Variants in C4orf50 observed in about 807,000 individuals in gnomAD.
The protein encoded by C4orf50 is uncharacterized protein C4orf50.
A neutral mutation model predicts 77.2 loss-of-function variants in C4orf50; 80 were observed. That is an observed-to-expected ratio of 1.04 (90% CI 0.87 to 1.25). C4orf50 has a LOEUF of 1.25. Among genes scored for constraint, C4orf50 ranks in the 50% most tolerant of loss-of-function variants. The probability of loss-of-function intolerance (pLI) is 0.00; values close to 1 mark genes in which losing one functional copy is unlikely to be tolerated. For synonymous variants in C4orf50, 532 were observed against 465.3 expected (o/e 1.14, Z -1.84); for missense variants, 1,257 against 1,152.9 (o/e 1.09, Z -1.31).
intron 28 of C4orf50, among the ~76,000 whole-genome samples, chr4:5,980,698 T>C (rs2108781452): frequency 6.6e-6 from 1 of 152,144 alleles, no homozygotes; most frequent in East Asian, 1.9e-4. Context: ...ATATGTGCAG[T>C]GGGGTGGCAT....
intron 26 of C4orf50, among the ~76,000 whole-genome samples, chr4:5,993,985 G>T (rs562804498): frequency 6.6e-6 from 1 of 152,174 alleles, no homozygotes; most frequent in Non-Finnish European, 1.5e-5. Context: ...CCTGGGAAGT[G>T]GGGGGACAGG....
intron 25 of C4orf50, among the ~76,000 whole-genome samples, chr4:6,005,648 A>G (rs113799132): frequency 6.6e-6 from 1 of 152,172 alleles, no homozygotes; most frequent in African/African-American, 2.4e-5. Flanking sequence ...CAGCTTCTCT[A>G]TCTGTTCAGT....
chr4:5,926,067 G>A (rs1467071078), intron 7 of C4orf50, among the ~76,000 whole-genome samples: 1 of 152,232 alleles, frequency 6.6e-6, no homozygotes, highest in African/African-American at 2.4e-5. Context: ...GGAAGGAGGG[G>A]CTCCAGGGAG....
chr4:5,965,204 A>G, intron 32 of C4orf50, 59 bp from the exon 11 acceptor site: 1 of 1,562,760 alleles, frequency 6.4e-7, no homozygotes, highest in Non-Finnish European at 8.7e-7. Flanking sequence ...AAAGTCTACA[A>G]GTGTCTGAGC....
At position 6,011,215 on chromosome 4, in the gene C4orf50, A is replaced by C. The variant is rs1339687591; in HGVS notation, c.426+615T>G. On this transcript the variant is annotated intron_variant, in intron 24 of 33. Transcript: ENST00000531445. The surrounding 1 kb of genome is among the most constrained non-coding windows in gnomAD (Gnocchi z 4.2). Reference sequence around the variant, plus strand: ...TTAAGTCCCCTAAAGCTTGTTCCCCATTGTATTCAGAATTGGGCCATGCAG... The same window carrying C: ...TTAAGTCCCCTAAAGCTTGTTCCCCCTTGTATTCAGAATTGGGCCATGCAG... 6.6e-6 allele frequency among the ~76,000 whole-genome samples: 1 copy of C among 152,050 alleles called. No individual in the cohort carries two copies. Among genetic ancestry groups the C allele is most frequent in the African/African-American group, 2.4e-5 (1 of 41,400 alleles).
rs1373219622 is a variant in C4orf50 at position 6,000,612 on chromosome 4, C to T, written c.964-6136G>A. 6.6e-6 allele frequency among the ~76,000 whole-genome samples: 1 copy of T among 152,132 alleles called. No individual in the cohort carries two copies. Among genetic ancestry groups the T allele is most frequent in the East Asian group, 1.9e-4 (1 of 5,170 alleles). On this transcript the variant is annotated intron_variant, in intron 25 of 33. Coordinates refer to ENST00000531445, the Ensembl canonical transcript of C4orf50. The surrounding 1 kb of genome is among the most constrained non-coding windows in gnomAD (Gnocchi z 6.0). Reference sequence around the variant, plus strand: ...CCCACGGACTCCACAGGGCTCATTTCCTTGCCTTTCCTCTGCCCCTACCTC... The same window carrying T: ...CCCACGGACTCCACAGGGCTCATTTTCTTGCCTTTCCTCTGCCCCTACCTC...
At chr4:5,951,821 AC>A (rs1264569682) in intron 7 of C4orf50, among the ~76,000 whole-genome samples, 1 of 151,768 alleles carries the variant, frequency 6.6e-6, no homozygotes, top group African/African-American at 2.4e-5. Flanking sequence ...CTCTTCCCCA[AC>A]CCCAGCAAAA....
rs570726900 is a variant in C4orf50, at chr4:5,931,799, C to T, written c.*2474+25102G>A. ...CATCTTCCCCGTGGATCCAGGCTCTCCTTTAGGCTTTGACACAGAAATCAC... is the reference window on the plus strand; with the variant it reads ...CATCTTCCCCGTGGATCCAGGCTCTTCTTTAGGCTTTGACACAGAAATCAC... On this transcript the variant is annotated intron_variant, in intron 7 of 7. Coordinates refer to the C4orf50 transcript ENST00000324058. 2.0e-5 allele frequency among the ~76,000 whole-genome samples: 3 copies of T among 152,228 alleles called. No homozygotes were observed. In the East Asian group the frequency reaches 5.8e-4, roughly 30 times the overall value.
chr4:5,967,215 T>A (rs1451323523), intron 32 of C4orf50, among the ~76,000 whole-genome samples, 199 bp downstream of exon 10: 1 of 152,178 alleles, frequency 6.6e-6, no homozygotes, highest in Non-Finnish European at 1.5e-5. Context: ...AACGTTTCTG[T>A]TTTTCCAGTG....
chr4:5,913,715 C>A (rs1017882466), intron 7 of C4orf50, among the ~76,000 whole-genome samples: 1 of 152,134 alleles, frequency 6.6e-6, no homozygotes, highest in Non-Finnish European at 1.5e-5. Context: ...GGCAGTAAAT[C>A]GTCCACAGAC....
rs533714392 is a variant in C4orf50 at position 5,948,059 on chromosome 4, C to T, written c.*2474+8842G>A. 5.3e-5 allele frequency among the ~76,000 whole-genome samples: 8 copies of T among 152,268 alleles called. 1 individual carries two copies. The South Asian group carries it at 1.7e-3, about 32-fold the overall frequency. ...TGGGATGAATCCACCAATGAACCTG[C>T]TTTTCTCTCCCACAGGTCTGTGACA... On this transcript the variant is annotated intron_variant, in intron 7 of 7. Coordinates refer to the C4orf50 transcript ENST00000324058.
Position 6,011,804 on chromosome 4 carries a change from G to T in C4orf50, c.426+26C>A. 1 of 399,098 alleles carries T rather than the reference G, an allele frequency of 2.5e-6. No individual in the cohort carries two copies. The highest frequency in any genetic ancestry group is 4.4e-6 in the Non-Finnish European group (1 of 226,130). 24.7% of individuals were successfully genotyped at this position (399,098 alleles called of 1,614,324 possible). ...ACGGCTCTGCTGGACAGGAAACAGG[G>T]CCTGGAAAGGAGAAGGAAACGGTAC... On this transcript the variant is annotated intron_variant, in intron 24 of 33. Transcript: ENST00000531445. This position sits in a 1 kb window ranked among gnomAD's most constrained non-coding sequence, Gnocchi z 4.2.
chr4:5,940,469 A>G (rs1395857271), intron 7 of C4orf50, among the ~76,000 whole-genome samples: 1 of 152,202 alleles, frequency 6.6e-6, no homozygotes, highest in Non-Finnish European at 1.5e-5. Context: ...GCCTGAATAT[A>G]GTATTCCTGG....
intron 7 of C4orf50, among the ~76,000 whole-genome samples, chr4:5,909,748 T>C (rs1425341932): frequency 1.3e-5 from 2 of 152,248 alleles, no homozygotes; most frequent in African/African-American, 4.8e-5. Flanking sequence ...CCTAGCACCA[T>C]TTATTGAAGG....
chr4:5,999,230 G>C (rs1035189459), intron 25 of C4orf50, among the ~76,000 whole-genome samples: 1 of 152,128 alleles, frequency 6.6e-6, no homozygotes, highest in African/African-American at 2.4e-5. Context: ...CATAGCCAAG[G>C]GGTCACTGCA....
Position 5,959,945 on chromosome 4 carries a change from A to C in C4orf50, c.4276-319T>G, listed in dbSNP as rs370574130. Among the ~76,000 whole-genome samples the C allele has an allele frequency of 4.6e-5, 7 of 152,162 alleles. No individual in the cohort carries two copies. The East Asian group carries it at 1.2e-3, about 25-fold the overall frequency. On this transcript the variant is annotated intron_variant, in intron 33 of 33. Transcript: ENST00000531445. ...TCCTGTAGAGTGGATATCCTCTATA[A>C]ATTTTCTCCTTCCCGGTGATAAGAG...
rs1349200873 is a variant in C4orf50, at chr4:6,003,860, G to GTGATGATGGTGATGGTGATGATGGTGA, written c.963+4135_963+4136insTCACCATCATCACCATCACCATCATCA. ...TGTGATAGTGATGATGGTGATGATG[G>GTGATGATGGTGATGGTGATGATGGTGA]TGATGGTGATGATGGTGATGGTGAT... On this transcript the variant is annotated intron_variant, in intron 25 of 33. Transcript: ENST00000531445. Among the ~76,000 whole-genome samples the GTGATGATGGTGATGGTGATGATGGTGA allele has an allele frequency of 2.3e-4, 13 of 57,562 alleles. No homozygotes were observed. In the East Asian group the frequency reaches 6.7e-3, roughly 30 times the overall value. 37.8% of individuals were successfully genotyped at this position (57,562 alleles called of 152,430 possible).
At chr4:5,993,645 C>T (rs6446431) in intron 26 of C4orf50, among the ~76,000 whole-genome samples, 13,419 of 151,920 alleles carry the variant, frequency 0.088, 782 homozygotes, top group Non-Finnish European at 0.12. Context: ...GGCAAAACCC[C>T]ATCTTTACTA....
exon 28 of C4orf50, chr4:5,990,151 G>A (rs975323965): frequency 2.9e-5 from 36 of 1,258,170 alleles, no homozygotes; most frequent in Non-Finnish European, 3.4e-5. Context: ...TGATACTGAG[G>A]CCTCCCCCTG....
Sources: allele counts gnomAD v4.1 joint callset (sites outside exome capture counted in the v4.1 genomes callset), GRCh38; gene constraint gnomAD v4.1.1; non-coding constraint Gnocchi (gnomAD v3.1); transcripts MANE v1.5; gene names NCBI Gene and HGNC (gene_info 2026-07-23, HGNC 2026-07-21).